Variants in SLC17A6 observed in about 807,000 individuals in gnomAD.
SLC17A6 encodes solute carrier family 17 member 6.
Under a neutral mutation model 67.1 loss-of-function variants are expected in SLC17A6, and 35 were observed. That is an observed-to-expected ratio of 0.52 (90% CI 0.40 to 0.69). The LOEUF (loss-of-function observed/expected upper bound fraction) is 0.69, where lower values mean the gene tolerates loss of function less well. Among genes scored for constraint, SLC17A6 ranks in the 30% least tolerant of loss-of-function variants. The pLI, the probability that SLC17A6 is intolerant of heterozygous loss-of-function variation, is 0.00. For missense variants in SLC17A6, 588 were observed against 723.9 expected (o/e 0.81, Z 2.15); for synonymous variants, 285 against 252.3 (o/e 1.13, Z -1.23).
intron 3 of SLC17A6, among the ~76,000 whole-genome samples, chr11:22,349,837 G>T (rs550306275): frequency 6.6e-6 from 1 of 152,168 alleles, no homozygotes; most frequent in Non-Finnish European, 1.5e-5. Flanking sequence ...AGGCATCCAA[G>T]CCCTGATTTG....
chr11:22,349,230 C>A (rs1243900113), intron 3 of SLC17A6, among the ~76,000 whole-genome samples: 1 of 152,162 alleles, frequency 6.6e-6, no homozygotes, highest in Non-Finnish European at 1.5e-5. Flanking sequence ...ATAAATCCTG[C>A]TGAAAGGGAC....
Position 22,341,632 on chromosome 11 carries a change from G to A in SLC17A6, c.191G>A (p.Cys64Tyr), listed in dbSNP as rs758496688. The change falls in exon 2 of 12, where the codon TGC (cysteine) becomes TAC (tyrosine). Residue 64 changes from cysteine to tyrosine, a missense_variant. By Grantham distance (194) the Cys-to-Tyr change is radical. This residue lies in a region of SLC17A6 where 117 missense variants were observed against 98.7 expected (regional missense o/e 1.19). Transcript: ENST00000263160. ...AAGGCGCCGCTGTGCGACTGCACGT[G>A]CTTCGGCCTGCCCCGCCGCTACATT... ...ERKAPLCDCT[C>Y]FGLPRRYIIA... The A allele has an allele frequency of 2.5e-6, 4 of 1,613,854 alleles. No homozygotes were observed. The African/African-American group carries it at 5.3e-5, about 22-fold the overall frequency.
At chr11:22,343,200 AC>A (rs769660589) in intron 2 of SLC17A6, 46 bp from the exon 3 acceptor site, 1 of 1,486,976 alleles carries the variant, frequency 6.7e-7, no homozygotes, top group Non-Finnish European at 9.4e-7. Context: ...AGCCTTTGGT[AC>A]TGACTCTACT....
intron 8 of SLC17A6, among the ~76,000 whole-genome samples, chr11:22,372,853 A>T (rs1856190039): frequency 6.6e-6 from 1 of 152,182 alleles, no homozygotes. Flanking sequence ...GTGTCAAGTG[A>T]TTACTCATGA....
chr11:22,360,508 CA>C (rs1190745166), intron 4 of SLC17A6, among the ~76,000 whole-genome samples: 1 of 148,040 alleles, frequency 6.8e-6, no homozygotes, highest in Non-Finnish European at 1.5e-5. Context: ...AAAACGAAAC[CA>C]AAAAACCCGC....
At chr11:22,364,086 T>A (rs1352161138) in intron 6 of SLC17A6, among the ~76,000 whole-genome samples, 2 of 152,168 alleles carry the variant, frequency 1.3e-5, no homozygotes, top group African/African-American at 4.8e-5. Context: ...AGTAAACAGA[T>A]AATCTGAAAA....
In SLC17A6 at chr11:22,378,225, TAC is replaced by T. The variant is rs1335073980; in HGVS notation, c.*487_*488del. The T allele has an allele frequency of 6.4e-6, 1 of 155,926 alleles. No individual in the cohort carries two copies. Among genetic ancestry groups the T allele is most frequent in the Non-Finnish European group, 1.4e-5 (1 of 70,400 alleles). The allele number at this position is 155,926 out of a possible 1,614,324, so 9.7% of individuals were successfully genotyped here. On this transcript the variant is annotated 3_prime_UTR_variant, in exon 12 of 12. Coordinates refer to ENST00000263160, the MANE Select transcript of SLC17A6 (RefSeq NM_020346.3). ...TTGGGATATCTCTCAATTAAAGAAATACATTGTGAACTATCAGCTACAAAGTT... is the reference window on the plus strand; with the variant it reads ...TTGGGATATCTCTCAATTAAAGAAATATTGTGAACTATCAGCTACAAAGTT...
chr11:22,374,757 T>G lies in SLC17A6; in HGVS notation c.1044T>G (p.Val348=), dbSNP rs1856214006. ...TCTCCCTTCTTGTTTTTCATCAGGT[T>G]GGTATGCTATCTGCTGTGCCACACT... ...EEVFGFEISK[V]GMLSAVPHLV... The change falls in exon 9 of 12, where the codon GTT becomes GTG. Residue 348 remains valine (V), a splice_region_variant and synonymous_variant. Transcript: ENST00000263160. The G allele has an allele frequency of 6.2e-7, 1 of 1,600,788 alleles. No individual in the cohort carries two copies. Among genetic ancestry groups the G allele is most frequent in the South Asian group, 1.1e-5 (1 of 88,480 alleles).
At chr11:22,372,434 T>C (rs1856184171) in intron 8 of SLC17A6, among the ~76,000 whole-genome samples, 1 of 151,506 alleles carries the variant, frequency 6.6e-6, no homozygotes, top group East Asian at 1.9e-4. Flanking sequence ...CCTATGCTTA[T>C]ATGTAACATA....
chr11:22,344,729 A>G (rs1855856287), intron 3 of SLC17A6, among the ~76,000 whole-genome samples: 1 of 152,176 alleles, frequency 6.6e-6, no homozygotes, highest in Non-Finnish European at 1.5e-5. Context: ...ACTTGATGAA[A>G]CTCATTAACT....
chr11:22,346,379 T>C (rs1296614542), intron 3 of SLC17A6, among the ~76,000 whole-genome samples: 2 of 152,194 alleles, frequency 1.3e-5, no homozygotes, highest in Non-Finnish European at 2.9e-5. Context: ...AGACTCCTGG[T>C]TCTTATACTA....
Position 22,360,961 on chromosome 11 carries a change from G to A in SLC17A6, c.638G>A (p.Arg213Lys). Reference sequence around the variant, plus strand: ...TGGGCCCCACCTCTAGAGAGGAGTAGACTGGCAACCACCTCCTTTTGTGGT... The same window carrying A: ...TGGGCCCCACCTCTAGAGAGGAGTAAACTGGCAACCACCTCCTTTTGTGGT... ...SKWAPPLERS[R>K]LATTSFCGSY... Residue 213 changes from arginine (R) to lysine (K), a missense_variant, in exon 5 of 12, where the codon AGA becomes AAA. Around this residue, in one of 4 missense-constraint regions of SLC17A6, gnomAD observed 414 missense variants for 563.4 expected, o/e 0.73. Transcript: ENST00000263160. The A allele has an allele frequency of 1.9e-6, 3 of 1,613,964 alleles. No individual in the cohort carries two copies. Among genetic ancestry groups the A allele is most frequent in the Non-Finnish European group, 2.5e-6 (3 of 1,179,886 alleles).
At position 22,338,812 on chromosome 11, in the gene SLC17A6, G is replaced by GGTGTGTGTGTGT. The variant is rs3047441; in HGVS notation, c.86+222_86+233dup. 9.3e-4 allele frequency among the ~76,000 whole-genome samples: 127 copies of GGTGTGTGTGTGT among 136,330 alleles called. 1 individual carries two copies. The highest frequency in any genetic ancestry group is 3.2e-3 in the African/African-American group (114 of 35,516). 89.4% of individuals were successfully genotyped at this position (136,330 alleles called of 152,430 possible). On this transcript the variant is annotated intron_variant, in intron 1 of 11. Coordinates refer to ENST00000263160, the MANE Select transcript of SLC17A6 (RefSeq NM_020346.3). ...AATGTTGCACTAAATGAACCTGTCTGGTGTGTGTGTGTGTGTGTGTGTGTG... is the reference window on the plus strand; with the variant it reads ...AATGTTGCACTAAATGAACCTGTCTGGTGTGTGTGTGTGTGTGTGTGTGTGTGTGTGTGTGTG...
Position 22,362,842 on chromosome 11 carries a change from T to A in SLC17A6, c.748+17T>A. 1.9e-6 allele frequency: 3 copies of A among 1,599,110 alleles called. No individual in the cohort carries two copies. The highest frequency in any genetic ancestry group is 2.6e-6 in the Non-Finnish European group (3 of 1,166,596). ...ATGTCTACGGTATGTTATATTTCTA[T>A]GCAATAGAGTTAAAGGAAATGTGCA... On this transcript the variant is annotated intron_variant, in intron 6 of 11. Coordinates refer to ENST00000263160, the MANE Select transcript of SLC17A6 (RefSeq NM_020346.3).
In SLC17A6 at chr11:22,341,540, G is replaced by T. The variant is rs1855815534; in HGVS notation, c.99G>T (p.Lys33Asn). ...CTCTGCCGCGCAGGGTGCTGGAGAAGAAGCAAGACACCGGGGAGACAATCG... is the reference window on the plus strand; with the variant it reads ...CTCTGCCGCGCAGGGTGCTGGAGAATAAGCAAGACACCGGGGAGACAATCG... ...SLGQIYRVLE[K>N]KQDTGETIEL... The change falls in exon 2 of 12, where the codon AAG becomes AAT. Residue 33 changes from lysine (K) to asparagine (N), a missense_variant. This residue lies in a region of SLC17A6 where 117 missense variants were observed against 98.7 expected (regional missense o/e 1.19). Coordinates refer to ENST00000263160, the MANE Select transcript of SLC17A6 (RefSeq NM_020346.3). The T allele has an allele frequency of 1.2e-6, 2 of 1,613,724 alleles. No individual in the cohort carries two copies. The highest frequency in any genetic ancestry group is 1.3e-5 in the African/African-American group (1 of 75,074).
chr11:22,365,848 T>C (rs1437651795), intron 7 of SLC17A6, among the ~76,000 whole-genome samples, 159 bp downstream of exon 7: 4 of 152,224 alleles, frequency 2.6e-5, no homozygotes, highest in Admixed American at 6.5e-5. Flanking sequence ...TTAGGAATAA[T>C]AGCTATTTCC....
At chr11:22,343,175 GAA>G in intron 2 of SLC17A6, 70 bp from the exon 3 acceptor site, 1 of 1,283,680 alleles carries the variant, frequency 7.8e-7, no homozygotes. Flanking sequence ...TTTGGCTTGT[GAA>G]CCACTGAAAG....
intron 3 of SLC17A6, among the ~76,000 whole-genome samples, chr11:22,354,501 A>G (rs1031689269): frequency 1.1e-4 from 16 of 152,234 alleles, no homozygotes; most frequent in African/African-American, 3.9e-4. Context: ...CTCTCCATTT[A>G]ACTACTTACT....
At chr11:22,376,181 C>A in intron 10 of SLC17A6, 89 bp downstream of exon 10, 1 of 732,404 alleles carries the variant, frequency 1.4e-6, no homozygotes, top group Non-Finnish European at 2.2e-6. Flanking sequence ...TTATAGATAT[C>A]TTCATATATA....
Sources: gnomAD v4.1 joint callset for allele counts (sites outside exome capture counted in the v4.1 genomes callset) on GRCh38, gnomAD v4.1.1 for gene constraint, gnomAD v4.1.1 regional missense constraint, MANE v1.5 for transcripts, NCBI Gene and HGNC (gene_info 2026-07-23, HGNC 2026-07-21) for gene names.